The following RAP1GAP2 variants were observed in gnomAD, a reference collection of about 807,000 sequenced individuals.
RAP1GAP2 encodes the protein rap1 GTPase-activating protein 2.
A neutral mutation model predicts 95.0 loss-of-function variants in RAP1GAP2; 27 were observed. The observed-to-expected ratio is 0.28, with a 90% CI of 0.21 to 0.39. RAP1GAP2 has a LOEUF of 0.39. Ranked by LOEUF, RAP1GAP2 falls within the 10% of genes least tolerant of loss-of-function variation. RAP1GAP2 has a pLI of 1.00. For missense variants in RAP1GAP2, 771 were observed against 970.0 expected, an observed-to-expected ratio of 0.79 and a Z score of 2.72; for synonymous variants, 373 against 380.9, an observed-to-expected ratio of 0.98 and a Z score of 0.24.
intron 3 of RAP1GAP2, among the ~76,000 whole-genome samples, chr17:2,939,349 C>G (rs1283076808): frequency 6.6e-6 from 1 of 152,264 alleles, no homozygotes; most frequent in Admixed American, 6.5e-5. Context: ...CTCGGCCTCC[C>G]AAAGTGCTGG....
At chr17:2,861,894 G>A (rs1430611382) in intron 2 of RAP1GAP2, among the ~76,000 whole-genome samples, 1 of 152,186 alleles carries the variant, frequency 6.6e-6, no homozygotes, top group Non-Finnish European at 1.5e-5. Flanking sequence ...GACCCCAGGT[G>A]ATCCACCCAC....
In RAP1GAP2 at chr17:2,947,775, G is replaced by A. The variant is rs147656968; in HGVS notation, c.166-9984G>A. ...GACGACATGGGACACATCCCATCCC[G>A]CTCCCAGGGCGTGCCCTGTTTCCCC... On this transcript the variant is annotated intron_variant, in intron 3 of 24. Transcript: ENST00000254695. 3.4e-4 allele frequency among the ~76,000 whole-genome samples: 51 copies of A among 152,170 alleles called. 1 individual carries two copies. In the East Asian group the frequency reaches 5.6e-3, roughly 17 times the overall value.
intron 1 of RAP1GAP2, among the ~76,000 whole-genome samples, chr17:2,755,947 C>T (rs2071132409): frequency 6.6e-6 from 1 of 151,648 alleles, no homozygotes; most frequent in African/African-American, 2.4e-5. Flanking sequence ...CCCACCACCC[C>T]GCGTCCCCGC....
chr17:3,010,200 C>T (rs1025562110), intron 17 of RAP1GAP2, among the ~76,000 whole-genome samples: 3 of 151,852 alleles, frequency 2.0e-5, no homozygotes, highest in South Asian at 2.1e-4. Context: ...ATTAGCCGGG[C>T]GTGGTGACGT....
chr17:2,932,955 C>A (rs932605306), intron 3 of RAP1GAP2, among the ~76,000 whole-genome samples: 1 of 151,954 alleles, frequency 6.6e-6, no homozygotes, highest in Non-Finnish European at 1.5e-5. Context: ...AGGCACAGGT[C>A]GAGGCTGGGA....
upstream of RAP1GAP2, among the ~76,000 whole-genome samples, chr17:2,796,249 G>C (rs1428566936): frequency 6.6e-6 from 1 of 152,180 alleles, no homozygotes; most frequent in African/African-American, 2.4e-5. The surrounding 1 kb of genome is among the most constrained non-coding windows in gnomAD (Gnocchi z 4.7). Context: ...TCTGCCAGCC[G>C]AGCCCCTTCC....
upstream of RAP1GAP2, among the ~76,000 whole-genome samples, chr17:2,792,445 C>A (rs1018285350): frequency 6.6e-6 from 1 of 152,170 alleles, no homozygotes; most frequent in African/African-American, 2.4e-5. Flanking sequence ...GGTAACTTGC[C>A]CAAGGTCGCT....
chr17:2,762,100 A>G (rs1453569688), intron 1 of RAP1GAP2, among the ~76,000 whole-genome samples: 3 of 134,048 alleles, frequency 2.2e-5, no homozygotes, highest in South Asian at 2.3e-4. Context: ...GCCATTCTCT[A>G]TCTCAGCCTC....
intron 20 of RAP1GAP2, 40 bp from the exon 21 acceptor site, chr17:3,026,310 G>T: frequency 2.0e-6 from 3 of 1,500,166 alleles, no homozygotes; most frequent in East Asian, 2.5e-5. Flanking sequence ...GAGGGCTCTC[G>T]CGTGTGACCC....
chr17:2,839,370 G>C (rs2071276778), intron 2 of RAP1GAP2, among the ~76,000 whole-genome samples: 1 of 151,770 alleles, frequency 6.6e-6, no homozygotes, highest in African/African-American at 2.4e-5. Context: ...AGAGTACAGA[G>C]AGTCCCCATA....
Position 2,818,248 on chromosome 17 carries a change from A to G in RAP1GAP2, c.80+17698A>G, listed in dbSNP as rs555382968. Among the ~76,000 whole-genome samples the G allele has an allele frequency of 3.1e-4, 47 of 152,012 alleles. 1 individual carries two copies. The South Asian group carries it at 9.3e-3, about 30-fold the overall frequency. ...CTCCGTTCCTCTATTTCTTCCATCC[A>G]TAGGGGCTACCATTAGCAGGAATTT... On this transcript the variant is annotated intron_variant, in intron 2 of 24. Transcript: ENST00000254695.
intron 3 of RAP1GAP2, among the ~76,000 whole-genome samples, chr17:2,936,898 T>C (rs933071041): frequency 5.3e-5 from 8 of 152,210 alleles, no homozygotes; most frequent in Admixed American, 2.6e-4. Flanking sequence ...GCTTCTATGA[T>C]TGTCATAGTC....
At chr17:2,805,055 G>A (rs2069456557) in intron 2 of RAP1GAP2, among the ~76,000 whole-genome samples, 1 of 152,174 alleles carries the variant, frequency 6.6e-6, no homozygotes, top group Non-Finnish European at 1.5e-5. Context: ...CAGGGGCTCT[G>A]TGCATTACAT....
At position 2,822,305 on chromosome 17, in the gene RAP1GAP2, G is replaced by T. The variant is rs146073406; in HGVS notation, c.80+21755G>T. 4.2e-3 allele frequency among the ~76,000 whole-genome samples: 643 copies of T among 152,242 alleles called. 6 individuals carry two copies. Among genetic ancestry groups the T allele is most frequent in the African/African-American group, 0.014 (587 of 41,544 alleles). ...AAAAGGCACAAACACGGTCTTTGCC[G>T]ATTGCCATTATAACAGCAACAAAAA... On this transcript the variant is annotated intron_variant, in intron 2 of 24. Coordinates refer to ENST00000254695, the MANE Select transcript of RAP1GAP2 (RefSeq NM_015085.5).
In RAP1GAP2 at chr17:3,034,407, G is replaced by A. The variant is rs754525224; in HGVS notation, c.*1046G>A. ...CACTTACTCGAGGAGAGAGGTGAGG[G>A]GGGGATGACTTGCGGGTTCTGATCA... On this transcript the variant is annotated 3_prime_UTR_variant, in exon 25 of 25. Transcript: ENST00000254695. This position sits in a 1 kb window ranked among gnomAD's most constrained non-coding sequence, Gnocchi z 5.1. 8.5e-6 allele frequency: 2 copies of A among 234,688 alleles called. No homozygotes were observed. The highest frequency in any genetic ancestry group is 1.8e-5 in the Non-Finnish European group (2 of 114,082). The allele number at this position is 234,688 out of a possible 1,614,324, so 14.5% of individuals were successfully genotyped here.
intron 1 of RAP1GAP2, among the ~76,000 whole-genome samples, chr17:2,782,321 C>G (rs536779338): frequency 7.4e-4 from 112 of 152,216 alleles, no homozygotes; most frequent in Non-Finnish European, 1.5e-3. Flanking sequence ...TGGGCTCAAG[C>G]TCTGAGTTGA....
chr17:2,891,809 C>CTTTTATTTTTT (rs1488865061), intron 2 of RAP1GAP2, among the ~76,000 whole-genome samples: 1 of 58,030 alleles, frequency 1.7e-5, no homozygotes. Flanking sequence ...ATTCATATTT[C>CTTTTATTTTTT]TTTTCTTTTT....
intron 2 of RAP1GAP2, among the ~76,000 whole-genome samples, chr17:2,890,500 TCA>T (rs1336993543): frequency 1.3e-5 from 2 of 152,074 alleles, no homozygotes; most frequent in Non-Finnish European, 2.9e-5. Context: ...CTTTCAGTGC[TCA>T]CAGACTGCTG....
At position 2,963,532 on chromosome 17, in the gene RAP1GAP2, G is replaced by T; in HGVS notation, c.279+70G>T. 6.3e-7 allele frequency: 1 copy of T among 1,593,968 alleles called. No individual in the cohort carries two copies. The highest frequency in any genetic ancestry group is 1.1e-5 in the South Asian group (1 of 90,658). On this transcript the variant is annotated intron_variant, in intron 6 of 24. Coordinates refer to ENST00000254695, the MANE Select transcript of RAP1GAP2 (RefSeq NM_015085.5). This position sits in a 1 kb window ranked among gnomAD's most constrained non-coding sequence, Gnocchi z 4.8. The stretch of plus-strand genomic sequence containing the variant: ...GGGTCCCGTCCCTGGGGAAATGATG[G>T]CGATGGCCTGTGCCCAGCCCCCCAG...
Sources: allele counts gnomAD v4.1 joint callset (sites outside exome capture counted in the v4.1 genomes callset), GRCh38; gene constraint gnomAD v4.1.1; non-coding constraint Gnocchi (gnomAD v3.1); transcripts MANE v1.5; gene names NCBI Gene and HGNC (gene_info 2026-07-23, HGNC 2026-07-21).